Variants in DRC7 observed in about 807,000 individuals in gnomAD.
DRC7 encodes coiled-coil domain containing 135.
Under a neutral mutation model 104.4 loss-of-function variants are expected in DRC7, and 80 were observed. The ratio of observed to expected loss-of-function variants is 0.77; its 90% CI spans 0.64 to 0.92. The LOEUF is 0.92. Ranked by LOEUF, DRC7 falls within the 40% of genes least tolerant of loss-of-function variation. The pLI is 0.00. For synonymous variants in DRC7, 405 were observed against 447.3 expected (o/e 0.91, Z 1.19); for missense variants, 1,034 against 1,141.1 (o/e 0.91, Z 1.35).
chr16:57,726,378 C>G, intron 14 of DRC7, 95 bp downstream of exon 14: 1 of 1,034,436 alleles, frequency 9.7e-7, no homozygotes, highest in South Asian at 1.4e-5. Flanking sequence ...AGGATGGGCG[C>G]TGGTGAATCC....
chr16:57,727,690 C>A (rs1403695276), intron 16 of DRC7, among the ~76,000 whole-genome samples: 1 of 152,262 alleles, frequency 6.6e-6, no homozygotes, highest in Non-Finnish European at 1.5e-5. Context: ...CTACTCAGGG[C>A]TCCCACTGAG....
chr16:57,722,583 T>G, intron 10 of DRC7, 130 bp from the exon 11 acceptor site: 1 of 1,281,604 alleles, frequency 7.8e-7, no homozygotes, highest in Non-Finnish European at 1.1e-6. Flanking sequence ...TCGGCCTCCC[T>G]GGATCAGGCT....
chr16:57,700,129 A>G lies in DRC7; in HGVS notation c.379-16A>G. 1.2e-6 allele frequency: 2 copies of G among 1,612,442 alleles called. No individual in the cohort carries two copies. Among genetic ancestry groups the G allele is most frequent in the Non-Finnish European group, 1.7e-6 (2 of 1,178,836 alleles). ...TTATTGCCTTGACCCCACTGGCACC[A>G]TCTCTCTCCTTGCAGAAGTTCGTGA... On this transcript the variant is annotated splice_polypyrimidine_tract_variant and intron_variant, in intron 4 of 18. Coordinates refer to ENST00000360716, the MANE Select transcript of DRC7 (RefSeq NM_001289162.2).
At chr16:57,700,656 CAAAAAAA>C (rs59120133) in intron 5 of DRC7, among the ~76,000 whole-genome samples, 3 of 88,618 alleles carry the variant, frequency 3.4e-5, no homozygotes, top group African/African-American at 8.5e-5. Context: ...AAAACTCTCT[CAAAAAAA>C]AAAAAAAAAA....
chr16:57,716,758 C>G (rs1241539738), intron 8 of DRC7, among the ~76,000 whole-genome samples: 1 of 152,132 alleles, frequency 6.6e-6, no homozygotes, highest in Non-Finnish European at 1.5e-5. Context: ...TTAATATTAA[C>G]ACCCCTCCAG....
chr16:57,715,392 A>G (rs1212529456), intron 8 of DRC7, among the ~76,000 whole-genome samples: 3 of 152,210 alleles, frequency 2.0e-5, no homozygotes, highest in South Asian at 4.1e-4. Context: ...GAATGAATAA[A>G]TAAGTAAATA....
intron 8 of DRC7, among the ~76,000 whole-genome samples, chr16:57,713,541 A>G (rs2048810186): frequency 6.6e-6 from 1 of 152,204 alleles, no homozygotes. Context: ...TCTGATATTA[A>G]TATAGCCACT....
chr16:57,707,697 C>A lies in DRC7; in HGVS notation c.1077+19C>A. 6.2e-7 allele frequency: 1 copy of A among 1,606,956 alleles called. No homozygotes were observed. Among genetic ancestry groups the A allele is most frequent in the South Asian group, 1.1e-5 (1 of 90,562 alleles). ...CTGCAAGGTGCCTAGGGAGGGGGAG[C>A]TGGGTGGGTGTGGCAGGCACAGTGC... On this transcript the variant is annotated intron_variant, in intron 8 of 18. Transcript: ENST00000360716.
chr16:57,706,908 C>G (rs768796854), intron 7 of DRC7, among the ~76,000 whole-genome samples: 39 of 151,854 alleles, frequency 2.6e-4, no homozygotes, highest in Non-Finnish European at 3.2e-4. Context: ...ATTTTTCCTG[C>G]CATCAGTCCT....
chr16:57,707,574 G>T lies in DRC7; in HGVS notation c.973G>T (p.Gly325Ter), dbSNP rs780655715. Residue 325 changes from glycine to a stop codon, truncating the protein, a stop_gained, in exon 8 of 19, where the codon GGA (glycine) becomes TGA (stop). Transcript: ENST00000360716. LOFTEE classifies it high-confidence loss of function. ...GAACTTCTTCATCGACCCATTCACA[G>T]GACATAGCTACAGCACCCAGGATGA... Reference protein sequence around the residue: ...PENFFIDPFTGHSYSTQDEHF... With the variant: ...PENFFIDPFT The T allele has an allele frequency of 1.9e-6, 3 of 1,613,498 alleles. No individual in the cohort carries two copies. Among genetic ancestry groups the T allele is most frequent in the Non-Finnish European group, 2.5e-6 (3 of 1,180,026 alleles).
chr16:57,701,962 T>C lies in DRC7; in HGVS notation c.531T>C (p.Thr177=). The stretch of plus-strand genomic sequence containing the variant: ...CCTCGCACCTGTACTCCTCGACCAC[T>C]GTGCTCAAGTACCAGAAGGGGAACT... ...KPPSHLYSST[T]VLKYQKGNCF... The change falls in exon 6 of 19, where the codon ACT becomes ACC. Residue 177 remains threonine (T), a synonymous_variant. Transcript: ENST00000360716. 1 of 1,614,142 alleles carries C rather than the reference T, an allele frequency of 6.2e-7. No homozygotes were observed. The highest frequency in any genetic ancestry group is 8.5e-7 in the Non-Finnish European group (1 of 1,180,010).
At chr16:57,712,133 A>G (rs1403055872) in intron 8 of DRC7, among the ~76,000 whole-genome samples, 1 of 152,250 alleles carries the variant, frequency 6.6e-6, no homozygotes, top group East Asian at 1.9e-4. Flanking sequence ...AAGTTAGTTC[A>G]GCCTTCACCT....
Position 57,699,041 on chromosome 16 carries a change from G to A in DRC7, c.378+17G>A. The A allele has an allele frequency of 1.2e-6, 2 of 1,612,256 alleles. No homozygotes were observed. Among genetic ancestry groups the A allele is most frequent in the Non-Finnish European group, 1.7e-6 (2 of 1,178,990 alleles). On this transcript the variant is annotated intron_variant, in intron 4 of 18. Transcript: ENST00000360716. ...GAAGTGCCCGTAAGGCTGGCATGTT[G>A]AGGGCAGGGCTGGGGAGCCTGGGGC...
chr16:57,723,677 G>A (rs1451230438), intron 12 of DRC7, among the ~76,000 whole-genome samples: 74 of 151,642 alleles, frequency 4.9e-4, no homozygotes, highest in Non-Finnish European at 4.4e-5. Flanking sequence ...GCAGTGAGCC[G>A]AGATTATGCC....
intron 6 of DRC7, among the ~76,000 whole-genome samples, chr16:57,703,596 A>G (rs2048681694): frequency 6.6e-6 from 1 of 152,188 alleles, no homozygotes; most frequent in Non-Finnish European, 1.5e-5. Flanking sequence ...AAGCACAAGA[A>G]GAGCCTTGCT....
At chr16:57,722,887 G>A (rs771640389) in intron 11 of DRC7, 46 bp downstream of exon 11, 20 of 1,612,440 alleles carry the variant, frequency 1.2e-5, no homozygotes, top group Middle Eastern at 3.3e-4. Context: ...GCCCAGGGGC[G>A]GGGGCGGCTT....
At chr16:57,705,593 A>C (rs1437089681) in intron 7 of DRC7, among the ~76,000 whole-genome samples, 2 of 88,148 alleles carry the variant, frequency 2.3e-5, no homozygotes, top group African/African-American at 9.2e-5. Context: ...CCTCCCAACC[A>C]TCCATTCTCC....
At chr16:57,706,394 C>T (rs191275171) in intron 7 of DRC7, among the ~76,000 whole-genome samples, 136 of 144,434 alleles carry the variant, frequency 9.4e-4, no homozygotes, top group African/African-American at 3.5e-3. Flanking sequence ...CTCCTACCCA[C>T]TGTTCTCCCA....
intron 10 of DRC7, among the ~76,000 whole-genome samples, chr16:57,722,302 T>C (rs1168367632): frequency 6.6e-6 from 1 of 152,074 alleles, no homozygotes; most frequent in Non-Finnish European, 1.5e-5. Flanking sequence ...GGCCTGGGGA[T>C]GGGTGAGCAG....
Sources: allele counts gnomAD v4.1 joint callset (sites outside exome capture counted in the v4.1 genomes callset), GRCh38; gene constraint gnomAD v4.1.1; transcripts MANE v1.5; gene names NCBI Gene and HGNC (gene_info 2026-07-23, HGNC 2026-07-21).